DNAJC1: variants seen among roughly 807,000 people sequenced by gnomAD.
DNAJC1 encodes the protein dnaJ homolog subfamily C member 1.
DNAJC1 carries 58 observed loss-of-function variants against 76.6 expected under a neutral mutation model. The ratio of observed to expected loss-of-function variants is 0.76; its 90% CI spans 0.61 to 0.94. DNAJC1 has a LOEUF of 0.94. Ranked by LOEUF, DNAJC1 falls within the 40% of genes least tolerant of loss-of-function variation. The probability of loss-of-function intolerance (pLI) is 0.00; values close to 1 mark genes in which losing one functional copy is unlikely to be tolerated. For missense variants in DNAJC1, 689 were observed against 677.3 expected (o/e 1.02, Z -0.19); for synonymous variants, 258 against 267.9 (o/e 0.96, Z 0.36).
intron 8 of DNAJC1, among the ~76,000 whole-genome samples, chr10:21,823,792 T>G (rs1835198015): frequency 6.6e-6 from 1 of 151,484 alleles, no homozygotes; most frequent in South Asian, 2.1e-4. Flanking sequence ...AGTTTATGAG[T>G]TTGTGTTGGG....
chr10:21,781,796 C>T (rs141677163), intron 9 of DNAJC1, among the ~76,000 whole-genome samples: 5,197 of 150,612 alleles, frequency 0.035, 141 homozygotes, highest in African/African-American at 0.067. Flanking sequence ...TCCTGAATGA[C>T]TACTGGGTAC....
intron 4 of DNAJC1, 186 bp downstream of exon 4, chr10:21,920,612 A>C (rs1355549566): frequency 2.0e-6 from 1 of 489,668 alleles, no homozygotes; most frequent in African/African-American, 2.0e-5. Context: ...ATTTTTTAAA[A>C]GAAGAATATT....
At chr10:21,880,302 A>C (rs912990175) in intron 8 of DNAJC1, among the ~76,000 whole-genome samples, 7 of 152,232 alleles carry the variant, frequency 4.6e-5, no homozygotes, top group Admixed American at 3.9e-4. Context: ...ATCTCCTGTT[A>C]ATGTCAATAT....
chr10:21,834,686 T>G (rs1030018571), intron 8 of DNAJC1, among the ~76,000 whole-genome samples: 1 of 152,172 alleles, frequency 6.6e-6, no homozygotes, highest in South Asian at 2.1e-4. Flanking sequence ...CCGCACCTGG[T>G]TCAGAGGGTC....
intron 1 of DNAJC1, among the ~76,000 whole-genome samples, chr10:21,954,563 T>C (rs543231011): frequency 6.6e-6 from 1 of 152,320 alleles, no homozygotes; most frequent in South Asian, 2.1e-4. Flanking sequence ...AATAGTAGGC[T>C]GAAATATAGA....
chr10:21,973,746 A>AG (rs1011831316), intron 1 of DNAJC1, among the ~76,000 whole-genome samples: 1 of 152,022 alleles, frequency 6.6e-6, no homozygotes, highest in African/African-American at 2.4e-5. Context: ...TTAAAAAAAA[A>AG]AAAGAAAAAA....
intron 9 of DNAJC1, among the ~76,000 whole-genome samples, chr10:21,777,134 T>C (rs966922829): frequency 1.3e-5 from 2 of 152,322 alleles, no homozygotes; most frequent in African/African-American, 4.8e-5. Flanking sequence ...ACCAGTTCTT[T>C]AATGAATATC....
At chr10:21,768,540 C>A (rs1834328842) in intron 9 of DNAJC1, among the ~76,000 whole-genome samples, 1 of 152,202 alleles carries the variant, frequency 6.6e-6, no homozygotes, top group Non-Finnish European at 1.5e-5. Context: ...TGATACCTGG[C>A]AGACAGTAAA....
At chr10:21,936,053 T>C (rs1837306807) in intron 1 of DNAJC1, among the ~76,000 whole-genome samples, 1 of 152,178 alleles carries the variant, frequency 6.6e-6, no homozygotes, top group Non-Finnish European at 1.5e-5. Context: ...TCTGAATGTT[T>C]GCATCCCTCC....
At chr10:21,790,944 A>T (rs1356640703) in intron 9 of DNAJC1, among the ~76,000 whole-genome samples, 1 of 152,200 alleles carries the variant, frequency 6.6e-6, no homozygotes, top group Non-Finnish European at 1.5e-5. Flanking sequence ...TAAAATTTTT[A>T]AAAATATGAG....
chr10:21,961,948 A>C (rs1837799109), intron 1 of DNAJC1, among the ~76,000 whole-genome samples: 1 of 151,892 alleles, frequency 6.6e-6, no homozygotes, highest in African/African-American at 2.4e-5. Flanking sequence ...TGGCCTCTGC[A>C]TTTGCTGATC....
chr10:21,784,610 T>C lies in DNAJC1; in HGVS notation c.1099-18301A>G, dbSNP rs374391296. Among the ~76,000 whole-genome samples, 6 of 152,332 alleles carry C rather than the reference T, an allele frequency of 3.9e-5. No homozygotes were observed. The East Asian group carries it at 7.7e-4, about 20-fold the overall frequency. Reference sequence around the variant, plus strand: ...AAAGACACATGCACACGTATGTTTATTGTGGCACTATTCACAATAGTAAAG... The same window carrying C: ...AAAGACACATGCACACGTATGTTTACTGTGGCACTATTCACAATAGTAAAG... On this transcript the variant is annotated intron_variant, in intron 9 of 11. Coordinates refer to ENST00000376980, the MANE Select transcript of DNAJC1 (RefSeq NM_022365.4).
chr10:21,920,019 T>C (rs1477173529), intron 4 of DNAJC1, 90 bp from the exon 5 acceptor site: 10 of 766,814 alleles, frequency 1.3e-5, no homozygotes, highest in South Asian at 9.6e-5. Context: ...GTAAACATTA[T>C]AGAGGAACAT....
intron 1 of DNAJC1, among the ~76,000 whole-genome samples, chr10:21,980,037 C>CA (rs1838127752): frequency 6.6e-6 from 1 of 151,942 alleles, no homozygotes; most frequent in African/African-American, 2.4e-5. Flanking sequence ...AAAACATTAA[C>CA]AGAGTTGCGG....
At chr10:21,860,177 A>T (rs1312212407) in intron 8 of DNAJC1, among the ~76,000 whole-genome samples, 3 of 152,012 alleles carry the variant, frequency 2.0e-5, no homozygotes, top group Non-Finnish European at 4.4e-5. Context: ...GAAAAAAAAA[A>T]AAAAACCTTA....
At chr10:21,810,476 C>T (rs951515722) in intron 8 of DNAJC1, among the ~76,000 whole-genome samples, 4 of 152,156 alleles carry the variant, frequency 2.6e-5, no homozygotes, top group Non-Finnish European at 4.4e-5. Flanking sequence ...TGCCTTAATT[C>T]CCTATGGTCA....
At chr10:21,871,070 G>A (rs1358617516) in intron 8 of DNAJC1, among the ~76,000 whole-genome samples, 2 of 151,994 alleles carry the variant, frequency 1.3e-5, no homozygotes, top group Non-Finnish European at 2.9e-5. Context: ...CTTAAAACTA[G>A]CCTTATGCTA....
intron 9 of DNAJC1, among the ~76,000 whole-genome samples, chr10:21,778,347 T>C (rs1345620093): frequency 1.3e-5 from 2 of 152,206 alleles, no homozygotes; most frequent in Non-Finnish European, 2.9e-5. Flanking sequence ...TCTCTGCCCA[T>C]AAAACAAAAG....
chr10:21,812,219 C>T (rs1834979564), intron 8 of DNAJC1, among the ~76,000 whole-genome samples: 1 of 152,018 alleles, frequency 6.6e-6, no homozygotes, highest in Admixed American at 6.6e-5. Flanking sequence ...CCACCACGCC[C>T]AGCTAATTTT....
Sources: allele counts gnomAD v4.1 joint callset (sites outside exome capture counted in the v4.1 genomes callset), GRCh38; gene constraint gnomAD v4.1.1; transcripts MANE v1.5; gene names NCBI Gene and HGNC (gene_info 2026-07-23, HGNC 2026-07-21).